HIBCH: variants seen among roughly 807,000 people sequenced by gnomAD.
The protein encoded by HIBCH is 3-hydroxyisobutyryl-CoA hydrolase, also known as 3-hydroxyisobutyryl-CoA hydrolase, mitochondrial.
A neutral mutation model predicts 58.2 loss-of-function variants in HIBCH; 50 were observed. The observed-to-expected ratio is 0.86, with a 90% CI of 0.68 to 1.09. The LOEUF (loss-of-function observed/expected upper bound fraction) is 1.09. Among genes scored for constraint, HIBCH ranks in the 50% least tolerant of loss-of-function variants. The pLI, the probability that HIBCH is intolerant of heterozygous loss-of-function variation, is 0.00. For synonymous variants in HIBCH, 151 were observed against 146.9 expected, an observed-to-expected ratio of 1.03 and a Z score of -0.20; for missense variants, 450 against 449.7, an observed-to-expected ratio of 1.00 and a Z score of -0.01.
intron 11 of HIBCH, among the ~76,000 whole-genome samples, chr2:190,223,921 G>T (rs2105912460): frequency 6.6e-6 from 1 of 152,224 alleles, no homozygotes; most frequent in East Asian, 1.9e-4. Flanking sequence ...GACAGTGGGT[G>T]CAGTCCACAG....
chr2:190,293,346 G>A (rs566319602), intron 4 of HIBCH, among the ~76,000 whole-genome samples: 256 of 152,164 alleles, frequency 1.7e-3, no homozygotes, highest in African/African-American at 5.9e-3. Context: ...TCAGCTACTC[G>A]GGAAGCTGAG....
At chr2:190,262,173 AAAAAG>A (rs1264881147) in intron 6 of HIBCH, among the ~76,000 whole-genome samples, 92 of 151,010 alleles carry the variant, frequency 6.1e-4, no homozygotes, top group African/African-American at 1.3e-3. Context: ...CAAAAAAAAA[AAAAAG>A]AAAAGAAAAG....
chr2:190,301,328 C>A (rs1688256355), intron 2 of HIBCH, among the ~76,000 whole-genome samples: 1 of 152,178 alleles, frequency 6.6e-6, no homozygotes, highest in Non-Finnish European at 1.5e-5. Context: ...TAGAGGCCTA[C>A]TAAATAAAAG....
At position 190,244,908 on chromosome 2, in the gene HIBCH, A is replaced by G; in HGVS notation, c.870T>C (p.Ser290=). 6.2e-7 allele frequency: 1 copy of G among 1,610,954 alleles called. No homozygotes were observed. Among genetic ancestry groups the G allele is most frequent in the Non-Finnish European group, 8.5e-7 (1 of 1,177,054 alleles). Reference sequence around the variant, plus strand: ...TTACCTTCAATTGCTCTAGGGCAAAAGATGAACCATCTTGCTGTAAGTTTT... The same window carrying G: ...TTACCTTCAATTGCTCTAGGGCAAAGGATGAACCATCTTGCTGTAAGTTTT... The part of the protein sequence containing the change: ...IIENLQQDGS[S]FALEQLKVIN... Residue 290 remains serine, a synonymous_variant, in exon 11 of 14, where the codon TCT becomes TCC. Coordinates refer to ENST00000359678, the MANE Select transcript of HIBCH (RefSeq NM_014362.4).
intron 11 of HIBCH, among the ~76,000 whole-genome samples, chr2:190,223,384 C>A (rs1013964209): frequency 6.6e-6 from 1 of 152,194 alleles, no homozygotes; most frequent in African/African-American, 2.4e-5. Flanking sequence ...ACATGCATGC[C>A]ACCATGCCCT....
At chr2:190,193,196 TTC>T (rs937857737) in intron 1 of HIBCH, among the ~76,000 whole-genome samples, 17 of 151,988 alleles carry the variant, frequency 1.1e-4, no homozygotes, top group African/African-American at 3.9e-4. Context: ...AAAATTTTTT[TTC>T]TGTTTCTACT....
At position 190,279,158 on chromosome 2, in the gene HIBCH, A is replaced by G. The variant is rs1473272231; in HGVS notation, c.438+8428T>C. On this transcript the variant is annotated intron_variant, in intron 6 of 13. Coordinates refer to ENST00000359678, the MANE Select transcript of HIBCH (RefSeq NM_014362.4). The surrounding 1 kb of genome is among the most constrained non-coding windows in gnomAD (Gnocchi z 4.2). Reference sequence around the variant, plus strand: ...CATGCCAAACTGGCTTTTAAAACAGACCCATTCCCATGGTAATTAAACCAT... The same window carrying G: ...CATGCCAAACTGGCTTTTAAAACAGGCCCATTCCCATGGTAATTAAACCAT... Among the ~76,000 whole-genome samples, 1 of 152,172 alleles carries G rather than the reference A, an allele frequency of 6.6e-6. No homozygotes were observed. The highest frequency in any genetic ancestry group is 6.5e-5 in the Admixed American group (1 of 15,284).
intron 6 of HIBCH, among the ~76,000 whole-genome samples, chr2:190,267,573 G>A (rs1687277724): frequency 6.6e-6 from 1 of 152,052 alleles, no homozygotes; most frequent in South Asian, 2.1e-4. Flanking sequence ...TTGTTCCTAT[G>A]GTTTCTCCAT....
In HIBCH at chr2:190,261,112, A is replaced by T. The variant is rs200463693; in HGVS notation, c.517+44T>A. ...GTAAACTCTGAAACATATCAAAAGA[A>T]GATGATGCTAAAAGTAATTATAAAA... On this transcript the variant is annotated intron_variant, in intron 7 of 13. Coordinates refer to ENST00000359678, the MANE Select transcript of HIBCH (RefSeq NM_014362.4). The T allele has an allele frequency of 1.9e-5, 26 of 1,350,584 alleles. No homozygotes were observed. The East Asian group carries it at 2.8e-4, about 14-fold the overall frequency. 83.7% of individuals were successfully genotyped at this position (1,350,584 alleles called of 1,614,324 possible). A position where few individuals can be genotyped will look rare whatever the true frequency, so the allele number is the denominator to read the frequency against.
At chr2:190,245,062 G>C in intron 10 of HIBCH, 94 bp from the exon 11 acceptor site, 5 of 821,414 alleles carry the variant, frequency 6.1e-6, no homozygotes, top group African/African-American at 1.7e-5. Flanking sequence ...CCCCACCTCT[G>C]TTTCAATAAT....
At position 190,281,792 on chromosome 2, in the gene HIBCH, T is replaced by C. The variant is rs1687710475; in HGVS notation, c.438+5794A>G. ...TAGCCATGCAGCAGCCTGAATGCTTTGCGGATTAGATAGATCTTCTTCCAG... is the reference window on the plus strand; with the variant it reads ...TAGCCATGCAGCAGCCTGAATGCTTCGCGGATTAGATAGATCTTCTTCCAG... On this transcript the variant is annotated intron_variant, in intron 6 of 13. Transcript: ENST00000359678. This position sits in a 1 kb window ranked among gnomAD's most constrained non-coding sequence, Gnocchi z 5.4. Among the ~76,000 whole-genome samples, 1 of 152,246 alleles carries C rather than the reference T, an allele frequency of 6.6e-6. No homozygotes were observed. Among genetic ancestry groups the C allele is most frequent in the Non-Finnish European group, 1.5e-5 (1 of 68,046 alleles).
chr2:190,256,998 C>G (rs1226204852), intron 7 of HIBCH, among the ~76,000 whole-genome samples: 1 of 152,030 alleles, frequency 6.6e-6, no homozygotes, highest in Non-Finnish European at 1.5e-5. Context: ...GACCAGAATT[C>G]CTGAAAACGG....
At chr2:190,273,847 C>T (rs895838705) in intron 6 of HIBCH, among the ~76,000 whole-genome samples, 5 of 151,490 alleles carry the variant, frequency 3.3e-5, no homozygotes, top group Admixed American at 3.3e-4. Flanking sequence ...TTTTTTCCTG[C>T]GGCAGGGTCT....
chr2:190,293,494 G>A (rs955123398), intron 4 of HIBCH, among the ~76,000 whole-genome samples: 2 of 152,042 alleles, frequency 1.3e-5, no homozygotes, highest in Non-Finnish European at 2.9e-5. Context: ...ATAAAAAAAC[G>A]CATGTTGTAG....
chr2:190,221,985 C>T (rs920837721), intron 11 of HIBCH, among the ~76,000 whole-genome samples: 5 of 152,164 alleles, frequency 3.3e-5, no homozygotes, highest in African/African-American at 7.2e-5. Context: ...CCCTGGATGT[C>T]GGACAAGAAC....
Position 190,204,708 on chromosome 2 carries a change from G to A in HIBCH, c.*409C>T, listed in dbSNP as rs1058230. ...GATTTCATCAACATACAAGCCAAAC[G>A]AAGATCCCATTTCAATTAGATATAC... On this transcript the variant is annotated 3_prime_UTR_variant, in exon 14 of 14. Transcript: ENST00000359678. The A allele has an allele frequency of 0.3, 56,556 of 185,512 alleles. 10,039 individuals are homozygous for A. Among genetic ancestry groups the A allele is most frequent in the African/African-American group, 0.49 (20,432 of 41,690 alleles). The allele number at this position is 185,512 out of a possible 1,614,324, so 11.5% of individuals were successfully genotyped here.
intron 6 of HIBCH, among the ~76,000 whole-genome samples, chr2:190,266,877 C>A (rs1030834973): frequency 5.5e-4 from 83 of 152,256 alleles, no homozygotes; most frequent in African/African-American, 1.9e-3. Flanking sequence ...CTGCCTCAGC[C>A]TCCCGAGCAG....
At chr2:190,191,290 G>A (rs61553394) in intron 1 of HIBCH, among the ~76,000 whole-genome samples, 2,896 of 152,088 alleles carry the variant, frequency 0.019, 80 homozygotes, top group African/African-American at 0.065. Context: ...CTACAGGTGT[G>A]CACCACTATG....
Position 190,211,309 on chromosome 2 carries a change from C to T in HIBCH, c.1011+1647G>A, listed in dbSNP as rs1381217520. Among the ~76,000 whole-genome samples, 1 of 152,170 alleles carries T rather than the reference C, an allele frequency of 6.6e-6. No homozygotes were observed. The highest frequency in any genetic ancestry group is 1.5e-5 in the Non-Finnish European group (1 of 68,038). On this transcript the variant is annotated intron_variant, in intron 12 of 13. Coordinates refer to ENST00000359678, the MANE Select transcript of HIBCH (RefSeq NM_014362.4). This position sits in a 1 kb window ranked among gnomAD's most constrained non-coding sequence, Gnocchi z 5.0. ...ATTCCTTCCCTCACATCCAGCAAGTCCTATCTATTCTATCTCCTACATGTG... is the reference window on the plus strand; with the variant it reads ...ATTCCTTCCCTCACATCCAGCAAGTTCTATCTATTCTATCTCCTACATGTG...
Sources: allele counts gnomAD v4.1 joint callset (sites outside exome capture counted in the v4.1 genomes callset), GRCh38; gene constraint gnomAD v4.1.1; non-coding constraint Gnocchi (gnomAD v3.1); transcripts MANE v1.5; gene names NCBI Gene and HGNC (gene_info 2026-07-23, HGNC 2026-07-21).